GFRA1: variants seen among roughly 807,000 people sequenced by gnomAD.
The protein encoded by GFRA1 is GDNF family receptor alpha 1, also known as GDNF family receptor alpha-1.
Under a neutral mutation model 51.6 loss-of-function variants are expected in GFRA1, and 16 were observed. That is an observed-to-expected ratio of 0.31 (90% CI 0.21 to 0.47). The LOEUF is 0.47. Ranked by LOEUF, GFRA1 falls within the 20% of genes least tolerant of loss-of-function variation. The probability of loss-of-function intolerance (pLI) is 1.00; values close to 1 mark genes in which losing one functional copy is unlikely to be tolerated. For synonymous variants in GFRA1, 270 were observed against 241.3 expected, an observed-to-expected ratio of 1.12 and a Z score of -1.10; for missense variants, 530 against 594.3, an observed-to-expected ratio of 0.89 and a Z score of 1.13.
intron 5 of GFRA1, among the ~76,000 whole-genome samples, chr10:116,192,850 C>T (rs2134331788): frequency 6.6e-6 from 1 of 152,276 alleles, no homozygotes. Context: ...TCAGCCAAGG[C>T]TGGGGAAACA....
At chr10:116,227,173 T>A (rs1037859949) in intron 4 of GFRA1, among the ~76,000 whole-genome samples, 2 of 152,072 alleles carry the variant, frequency 1.3e-5, no homozygotes, top group Non-Finnish European at 2.9e-5. Flanking sequence ...TTATAAAGAA[T>A]CCACAGGTAT....
chr10:116,211,789 G>T, intron 4 of GFRA1, 144 bp from the exon 5 acceptor site: 1 of 685,192 alleles, frequency 1.5e-6, no homozygotes. Context: ...TTTAACTCAG[G>T]AGGCAGTGCT....
At chr10:116,159,094 A>G (rs1483580775) in intron 5 of GFRA1, among the ~76,000 whole-genome samples, 3 of 152,224 alleles carry the variant, frequency 2.0e-5, no homozygotes, top group Admixed American at 6.5e-5. Flanking sequence ...GCTATATTCA[A>G]CTATGGACAA....
chr10:116,109,463 A>G (rs1475410175), intron 6 of GFRA1, among the ~76,000 whole-genome samples: 3 of 152,164 alleles, frequency 2.0e-5, no homozygotes, highest in African/African-American at 7.2e-5. Flanking sequence ...TAAAAAAAAT[A>G]ATATCTGTTG....
chr10:116,271,661 T>C (rs1331483997), intron 2 of GFRA1, among the ~76,000 whole-genome samples: 1 of 152,098 alleles, frequency 6.6e-6, no homozygotes, highest in Non-Finnish European at 1.5e-5. Context: ...GCTCCCCAAC[T>C]CCACCTGCCC....
intron 4 of GFRA1, among the ~76,000 whole-genome samples, chr10:116,247,758 C>A (rs1291499519): frequency 1.3e-5 from 2 of 152,184 alleles, no homozygotes; most frequent in Non-Finnish European, 2.9e-5. Context: ...TCTCTGCCCC[C>A]TACCCTCCTC....
chr10:116,273,338 G>A (rs1286795879), upstream of GFRA1: 1 of 151,900 alleles, frequency 6.6e-6, no homozygotes, highest in African/African-American at 2.4e-5. Flanking sequence ...TCGAGAGCTC[G>A]AAGGGCCGAG....
At chr10:116,085,536 A>C (rs1956063018) in intron 9 of GFRA1, among the ~76,000 whole-genome samples, 1 of 152,148 alleles carries the variant, frequency 6.6e-6, no homozygotes, top group African/African-American at 2.4e-5. Flanking sequence ...CCTCCCCGGC[A>C]AATGATAATT....
chr10:116,251,574 A>C lies in GFRA1; in HGVS notation c.418+17929T>G, dbSNP rs184392119. Among the ~76,000 whole-genome samples the C allele has an allele frequency of 2.6e-5, 4 of 152,248 alleles. No individual in the cohort carries two copies. In the East Asian group the frequency reaches 7.7e-4, roughly 29 times the overall value. ...AAAACGTATAATGGGACATTCAGAGACTCTAACTCAGGTGTCTGATGCATA... is the reference window on the plus strand; with the variant it reads ...AAAACGTATAATGGGACATTCAGAGCCTCTAACTCAGGTGTCTGATGCATA... On this transcript the variant is annotated intron_variant, in intron 4 of 10. Coordinates refer to ENST00000355422, the MANE Select transcript of GFRA1 (RefSeq NM_005264.8).
chr10:116,225,426 T>C (rs1005958672), intron 4 of GFRA1, among the ~76,000 whole-genome samples: 1 of 148,672 alleles, frequency 6.7e-6, no homozygotes, highest in Non-Finnish European at 1.5e-5. Context: ...TCCCTGCTAC[T>C]CGGGAGGCTG....
intron 1 of GFRA1, 83 bp downstream of exon 1, chr10:116,273,080 G>C (rs1844078748): frequency 1.3e-5 from 2 of 152,220 alleles, no homozygotes; most frequent in Admixed American, 6.5e-5. Flanking sequence ...GCCGGAGGAG[G>C]GGGGAAGAAG....
intron 5 of GFRA1, among the ~76,000 whole-genome samples, chr10:116,147,818 T>G (rs1034054580): frequency 7.9e-5 from 12 of 152,060 alleles, no homozygotes; most frequent in Non-Finnish European, 1.8e-4. Flanking sequence ...CCCTCCGCTA[T>G]TCTCACTCAA....
At chr10:116,069,649 T>A (rs1955284174) in intron 9 of GFRA1, among the ~76,000 whole-genome samples, 1 of 152,234 alleles carries the variant, frequency 6.6e-6, no homozygotes, top group Admixed American at 6.5e-5. Flanking sequence ...AGAGGGTTAA[T>A]AAATGCATTA....
intron 4 of GFRA1, among the ~76,000 whole-genome samples, chr10:116,257,758 A>T (rs1271721330): frequency 5.3e-5 from 8 of 152,150 alleles, no homozygotes; most frequent in Non-Finnish European, 8.8e-5. Context: ...CAATCTAAAA[A>T]TTTCAGCAAT....
At chr10:116,153,341 A>G (rs950035300) in intron 5 of GFRA1, among the ~76,000 whole-genome samples, 1 of 152,166 alleles carries the variant, frequency 6.6e-6, no homozygotes, top group African/African-American at 2.4e-5. Flanking sequence ...ATCTTTCTGG[A>G]ATTTCTAGAG....
chr10:116,254,332 AAAAG>A lies in GFRA1; in HGVS notation c.418+15167_418+15170del, dbSNP rs1555173299. Among the ~76,000 whole-genome samples the A allele has an allele frequency of 7.5e-3, 1,122 of 149,666 alleles. 12 individuals are homozygous for A. Among genetic ancestry groups the A allele is most frequent in the African/African-American group, 0.026 (1,037 of 40,376 alleles). On this transcript the variant is annotated intron_variant, in intron 4 of 10. Transcript: ENST00000355422. ...GAGAGCCTCTGTCAAAAAAAAAAAA[AAAAG>A]AAAGAAAGAAAGAAAAGAAAAGAAA...
chr10:116,238,469 C>A (rs1301891605), intron 4 of GFRA1, among the ~76,000 whole-genome samples: 1 of 152,204 alleles, frequency 6.6e-6, no homozygotes, highest in Non-Finnish European at 1.5e-5. Flanking sequence ...TTTACACATG[C>A]AATATACACC....
chr10:116,240,575 A>G (rs72837827), intron 4 of GFRA1, among the ~76,000 whole-genome samples: 19,657 of 152,254 alleles, frequency 0.13, 1,625 homozygotes, highest in South Asian at 0.26. Context: ...GGGCGGAGTG[A>G]AACGAAGGCC....
chr10:116,135,765 G>A (rs1958296491), intron 5 of GFRA1, among the ~76,000 whole-genome samples: 1 of 152,114 alleles, frequency 6.6e-6, no homozygotes, highest in African/African-American at 2.4e-5. Context: ...TCTTCTAGGA[G>A]GACTCAAGCA....
Sources: allele counts gnomAD v4.1 joint callset (sites outside exome capture counted in the v4.1 genomes callset), GRCh38; gene constraint gnomAD v4.1.1; transcripts MANE v1.5; gene names NCBI Gene and HGNC (gene_info 2026-07-23, HGNC 2026-07-21).